CTNNA3: variants seen among roughly 807,000 people sequenced by gnomAD.
CTNNA3 encodes the protein catenin alpha 3, also known as catenin alpha-3.
CTNNA3 carries 76 observed loss-of-function variants against 95.7 expected under a neutral mutation model. The ratio of observed to expected loss-of-function variants is 0.79; its 90% CI spans 0.66 to 0.96. The LOEUF (loss-of-function observed/expected upper bound fraction) is 0.96, where lower values mean the gene tolerates loss of function less well. CTNNA3 is among the 40% of genes least tolerant of loss of function. The pLI is 0.00. For synonymous variants in CTNNA3, 431 were observed against 374.4 expected (o/e 1.15, Z -1.74); for missense variants, 1,191 against 1,089.8 (o/e 1.09, Z -1.31).
intron 12 of CTNNA3, among the ~76,000 whole-genome samples, chr10:66,374,471 T>G (rs2092778203): frequency 6.6e-6 from 1 of 152,106 alleles, no homozygotes; most frequent in African/African-American, 2.4e-5. Context: ...TCAAGAGATT[T>G]CGTTTTGGGT....
chr10:67,144,150 T>C (rs548542761), intron 7 of CTNNA3, among the ~76,000 whole-genome samples: 9 of 152,192 alleles, frequency 5.9e-5, no homozygotes, highest in African/African-American at 2.2e-4. Context: ...ATGAGCAATA[T>C]TTTGAAAGGA....
At chr10:66,583,390 T>C (rs548383660) in intron 10 of CTNNA3, among the ~76,000 whole-genome samples, 1 of 151,874 alleles carries the variant, frequency 6.6e-6, no homozygotes, top group East Asian at 1.9e-4. Flanking sequence ...GATTTCTAGT[T>C]CTTCCTGATT....
chr10:66,184,876 C>A (rs932399592), intron 13 of CTNNA3, among the ~76,000 whole-genome samples: 16 of 152,132 alleles, frequency 1.1e-4, no homozygotes, highest in African/African-American at 3.9e-4. Context: ...ACCAGATACA[C>A]CTTTATTTAT....
At chr10:66,537,795 T>C (rs1841711252) in intron 10 of CTNNA3, among the ~76,000 whole-genome samples, 1 of 151,734 alleles carries the variant, frequency 6.6e-6, no homozygotes, top group Admixed American at 6.6e-5. Flanking sequence ...CCCATCCATA[T>C]GAATTTTTTT....
rs74366283 is a variant in CTNNA3 at position 66,232,160 on chromosome 10, C to T, written c.1884+48310G>A. 8.1e-3 allele frequency among the ~76,000 whole-genome samples: 1,225 copies of T among 152,164 alleles called. 11 individuals are homozygous for T. Among genetic ancestry groups the T allele is most frequent in the East Asian group, 0.032 (164 of 5,172 alleles). On this transcript the variant is annotated intron_variant, in intron 13 of 17. Transcript: ENST00000433211. Reference sequence around the variant, plus strand: ...CCAATGCCTTGATTTCAGTCTAGTTCGACTTTGAGCAGGAACCCCAGACAA... The same window carrying T: ...CCAATGCCTTGATTTCAGTCTAGTTTGACTTTGAGCAGGAACCCCAGACAA...
At chr10:66,908,506 T>C (rs902921287) in intron 7 of CTNNA3, among the ~76,000 whole-genome samples, 16 of 152,042 alleles carry the variant, frequency 1.1e-4, no homozygotes, top group African/African-American at 3.6e-4. Flanking sequence ...TGAAGTGGTT[T>C]TTCATCGTCC....
rs2079542850 is a variant in CTNNA3, at chr10:66,035,540, T to TTTC, written c.2159+33767_2159+33768insGAA. Among the ~76,000 whole-genome samples the TTTC allele has an allele frequency of 2.0e-5, 3 of 151,538 alleles. No individual in the cohort carries two copies. The South Asian group carries it at 6.2e-4, about 32-fold the overall frequency. The stretch of plus-strand genomic sequence containing the variant: ...TAGGAATAGAGGGAATGAGGGTATT[T>TTTC]TTTTTTTTTGCCGCTGGCTTTATAA... On this transcript the variant is annotated intron_variant, in intron 15 of 17. Transcript: ENST00000433211.
chr10:65,971,329 A>T (rs1161683218), intron 16 of CTNNA3, among the ~76,000 whole-genome samples: 2 of 151,526 alleles, frequency 1.3e-5, no homozygotes, highest in African/African-American at 4.8e-5. Context: ...GAACTGAAAG[A>T]ATTTGAGACC....
chr10:67,111,255 T>C (rs1564898210), intron 7 of CTNNA3, among the ~76,000 whole-genome samples: 1 of 152,154 alleles, frequency 6.6e-6, no homozygotes, highest in Non-Finnish European at 1.5e-5. Flanking sequence ...TGTCCAATTA[T>C]ACAACATTAT....
At chr10:66,011,547 A>T (rs1005205490) in intron 15 of CTNNA3, among the ~76,000 whole-genome samples, 1 of 152,178 alleles carries the variant, frequency 6.6e-6, no homozygotes, top group Non-Finnish European at 1.5e-5. Context: ...ATACATAGCA[A>T]GTCTGGAGTA....
chr10:67,396,928 G>A (rs113024349), intron 5 of CTNNA3, among the ~76,000 whole-genome samples: 6,366 of 152,078 alleles, frequency 0.042, 376 homozygotes, highest in African/African-American at 0.13. Context: ...CTTCCCCTTC[G>A]CCATGTTGTA....
Position 65,956,306 on chromosome 10 carries a change from T to A in CTNNA3, c.2400+10306A>T, listed in dbSNP as rs2077730400. 6.6e-5 allele frequency among the ~76,000 whole-genome samples: 10 copies of A among 152,204 alleles called. 1 individual carries two copies. In the South Asian group the frequency reaches 1.7e-3, roughly 25 times the overall value. The stretch of plus-strand genomic sequence containing the variant: ...TCTTCTTTATTAGTCTTTCTAGCGG[T>A]CTATCAATTTTGTTGATCTTTTCAA... On this transcript the variant is annotated intron_variant, in intron 17 of 17. Transcript: ENST00000433211.
chr10:66,277,865 T>G (rs537801023), intron 13 of CTNNA3, among the ~76,000 whole-genome samples: 2 of 152,152 alleles, frequency 1.3e-5, no homozygotes, highest in East Asian at 1.9e-4. Flanking sequence ...TTTCAAACCA[T>G]GTACTTAGAG....
At chr10:66,617,541 G>A (rs554588543) in intron 10 of CTNNA3, among the ~76,000 whole-genome samples, 1 of 152,086 alleles carries the variant, frequency 6.6e-6, no homozygotes, top group African/African-American at 2.4e-5. Context: ...CAATAAATCA[G>A]GTATTGATGG....
rs564276414 is a variant in CTNNA3 at position 66,787,403 on chromosome 10, T to C, written c.1048-11879A>G. Among the ~76,000 whole-genome samples, 30 of 152,234 alleles carry C rather than the reference T, an allele frequency of 2.0e-4. 1 individual carries two copies. Among genetic ancestry groups the C allele is most frequent in the African/African-American group, 7.0e-4 (29 of 41,556 alleles). ...CCCCTGGTTCGCTGGTCTGTCTGGG[T>C]AGCACAACTTACTTAGGGGGTGAGG... On this transcript the variant is annotated intron_variant, in intron 7 of 17. Coordinates refer to ENST00000433211, the MANE Select transcript of CTNNA3 (RefSeq NM_013266.4).
intron 14 of CTNNA3, among the ~76,000 whole-genome samples, chr10:66,090,654 G>A (rs7919909): frequency 0.22 from 33,910 of 151,746 alleles, 3,852 homozygotes; most frequent in South Asian, 0.36. Context: ...CATCAGAAAC[G>A]AAGAGACATG....
chr10:66,886,642 C>T (rs1268823607), intron 7 of CTNNA3, among the ~76,000 whole-genome samples: 1 of 152,168 alleles, frequency 6.6e-6, no homozygotes, highest in Non-Finnish European at 1.5e-5. Flanking sequence ...CAATCAATAG[C>T]CTTAACAAGT....
At chr10:66,636,647 C>T (rs1845347607) in intron 9 of CTNNA3, among the ~76,000 whole-genome samples, 1 of 152,072 alleles carries the variant, frequency 6.6e-6, no homozygotes, top group Non-Finnish European at 1.5e-5. Context: ...ATACATTTAA[C>T]CCAACATTGC....
chr10:67,184,612 A>G (rs1301581356), intron 6 of CTNNA3, among the ~76,000 whole-genome samples: 1 of 152,162 alleles, frequency 6.6e-6, no homozygotes, highest in African/African-American at 2.4e-5. Flanking sequence ...GAACAAGATT[A>G]ATTTTTTTCC....
Sources: gnomAD v4.1 joint callset for allele counts (sites outside exome capture counted in the v4.1 genomes callset) on GRCh38, gnomAD v4.1.1 for gene constraint, MANE v1.5 for transcripts, NCBI Gene and HGNC (gene_info 2026-07-23, HGNC 2026-07-21) for gene names.